The following PRKD1 variants were observed in gnomAD, a reference collection of about 807,000 sequenced individuals.
PRKD1 encodes serine/threonine-protein kinase D1.
A neutral mutation model predicts 95.9 loss-of-function variants in PRKD1; 63 were observed. That is an observed-to-expected ratio of 0.66 (90% CI 0.54 to 0.81). PRKD1 has a LOEUF of 0.81. Among genes scored for constraint, PRKD1 ranks in the 30% least tolerant of loss-of-function variants. PRKD1 has a pLI of 0.00. For synonymous variants in PRKD1, 425 were observed against 423.1 expected (o/e 1.00, Z -0.05); for missense variants, 1,048 against 1,165.3 (o/e 0.90, Z 1.47).
At chr14:29,630,597 A>T in intron 10 of PRKD1, 145 bp downstream of exon 10, 1 of 985,186 alleles carries the variant, frequency 1.0e-6, no homozygotes, top group Non-Finnish European at 1.5e-6. Flanking sequence ...GCTTTTATTT[A>T]GACACCCTAC....
At chr14:29,915,396 T>C (rs1220750738) in intron 1 of PRKD1, among the ~76,000 whole-genome samples, 2 of 152,210 alleles carry the variant, frequency 1.3e-5, no homozygotes, top group Non-Finnish European at 2.9e-5. Flanking sequence ...AAATTTACAA[T>C]TAGACGTACT....
At chr14:29,754,608 CTCTT>C (rs1466669145) in intron 1 of PRKD1, among the ~76,000 whole-genome samples, 11 of 152,038 alleles carry the variant, frequency 7.2e-5, no homozygotes, top group African/African-American at 2.7e-4. Context: ...TATGGTTTAA[CTCTT>C]TATCATATAT....
chr14:29,890,429 C>A (rs1893897787), intron 1 of PRKD1, among the ~76,000 whole-genome samples: 1 of 152,208 alleles, frequency 6.6e-6, no homozygotes, highest in South Asian at 2.1e-4. Flanking sequence ...AACAAATGTT[C>A]TGGGAGGAAT....
At chr14:29,781,168 T>G (rs539512092) in intron 1 of PRKD1, among the ~76,000 whole-genome samples, 127 of 149,498 alleles carry the variant, frequency 8.5e-4, no homozygotes, top group South Asian at 4.2e-3. Context: ...AGGGATAGCA[T>G]TAGGAGATAT....
intron 1 of PRKD1, among the ~76,000 whole-genome samples, chr14:29,747,259 T>C (rs1887267221): frequency 6.6e-6 from 1 of 152,190 alleles, no homozygotes; most frequent in Non-Finnish European, 1.5e-5. Flanking sequence ...TTAACAGTGC[T>C]AGGATGGCTC....
At chr14:29,586,223 C>T (rs1892921910) in intron 16 of PRKD1, among the ~76,000 whole-genome samples, 1 of 152,166 alleles carries the variant, frequency 6.6e-6, no homozygotes, top group Non-Finnish European at 1.5e-5. Context: ...ATAGAGGTAT[C>T]TGTCCTCAGC....
intron 13 of PRKD1, among the ~76,000 whole-genome samples, chr14:29,604,295 C>T (rs951176556): frequency 2.0e-5 from 3 of 151,958 alleles, no homozygotes; most frequent in African/African-American, 7.3e-5. Context: ...CCACCTTCTA[C>T]CTTTAGGATT....
At chr14:29,708,725 C>T (rs1323073741) in intron 2 of PRKD1, among the ~76,000 whole-genome samples, 1 of 152,028 alleles carries the variant, frequency 6.6e-6, no homozygotes, top group Non-Finnish European at 1.5e-5. Context: ...TGGTGGCTCG[C>T]ATGCCAGTAG....
At chr14:29,619,059 A>G (rs1161085694) in intron 13 of PRKD1, among the ~76,000 whole-genome samples, 3 of 152,212 alleles carry the variant, frequency 2.0e-5, no homozygotes, top group East Asian at 1.9e-4. Flanking sequence ...AGTAGAAGAT[A>G]CCAAATGCTT....
At chr14:29,627,570 T>G (rs1879707081) in intron 11 of PRKD1, among the ~76,000 whole-genome samples, 1 of 152,202 alleles carries the variant, frequency 6.6e-6, no homozygotes, top group South Asian at 2.1e-4. Flanking sequence ...AGGTAATTCT[T>G]TTTTCCCTTA....
At chr14:29,745,670 T>A (rs1172215849) in intron 1 of PRKD1, among the ~76,000 whole-genome samples, 2 of 151,698 alleles carry the variant, frequency 1.3e-5, no homozygotes, top group Non-Finnish European at 2.9e-5. Context: ...AGACAGGGGG[T>A]CTCACTATGT....
chr14:29,779,162 A>C (rs11844078), intron 1 of PRKD1, among the ~76,000 whole-genome samples: 31,705 of 152,026 alleles, frequency 0.21, 3,475 homozygotes, highest in South Asian at 0.27. Flanking sequence ...CTATTTATGA[A>C]AAACCCACAG....
intron 1 of PRKD1, among the ~76,000 whole-genome samples, chr14:29,901,625 C>A (rs1894321448): frequency 6.6e-6 from 1 of 152,034 alleles, no homozygotes; most frequent in Non-Finnish European, 1.5e-5. Flanking sequence ...GTCTTCAAAT[C>A]TAAATTTATA....
intron 9 of PRKD1, among the ~76,000 whole-genome samples, chr14:29,631,800 A>ATTTATTTG (rs1378146512): frequency 4.2e-5 from 6 of 142,080 alleles, no homozygotes; most frequent in Non-Finnish European, 7.7e-5. Flanking sequence ...CTGGCCTTTT[A>ATTTATTTG]TTTATTTATT....
intron 13 of PRKD1, among the ~76,000 whole-genome samples, chr14:29,603,589 G>GT (rs1237064416): frequency 6.6e-6 from 1 of 152,096 alleles, no homozygotes; most frequent in African/African-American, 2.4e-5. Flanking sequence ...TTTAAAATAA[G>GT]TTCAACCAAG....
At chr14:29,800,949 TTTTAA>T (rs1400436421) in intron 1 of PRKD1, among the ~76,000 whole-genome samples, 1 of 152,198 alleles carries the variant, frequency 6.6e-6, no homozygotes, top group Non-Finnish European at 1.5e-5. Flanking sequence ...TTTAAAACAC[TTTTAA>T]TTTGAGAGTT....
chr14:29,635,642 A>T (rs1406352939), intron 7 of PRKD1, among the ~76,000 whole-genome samples: 2 of 152,196 alleles, frequency 1.3e-5, no homozygotes, highest in Non-Finnish European at 2.9e-5. Flanking sequence ...TAAATATTTT[A>T]GTTTTTGCAA....
chr14:29,818,275 AC>A (rs1338926742), intron 1 of PRKD1, among the ~76,000 whole-genome samples: 1 of 152,252 alleles, frequency 6.6e-6, no homozygotes, highest in Non-Finnish European at 1.5e-5. Flanking sequence ...ACAAACAACA[AC>A]AAACAGAAAC....
At chr14:29,615,538 A>T (rs1307826167) in intron 13 of PRKD1, among the ~76,000 whole-genome samples, 1 of 152,178 alleles carries the variant, frequency 6.6e-6, no homozygotes, top group Non-Finnish European at 1.5e-5. Flanking sequence ...AAAGCTTATG[A>T]ATCTTCCCAG....
Sources: gnomAD v4.1 joint callset for allele counts (sites outside exome capture counted in the v4.1 genomes callset) on GRCh38, gnomAD v4.1.1 for gene constraint, MANE v1.5 for transcripts, NCBI Gene and HGNC (gene_info 2026-07-23, HGNC 2026-07-21) for gene names.